Variants in NSD1 observed in about 807,000 individuals in gnomAD.
The protein encoded by NSD1 is nuclear receptor binding SET domain protein 1, also known as histone-lysine N-methyltransferase, H3 lysine-36 specific.
NSD1 carries 26 observed loss-of-function variants against 242.7 expected under a neutral mutation model. The observed-to-expected ratio is 0.11, with a 90% CI of 0.08 to 0.15. The LOEUF (loss-of-function observed/expected upper bound fraction) is 0.15. Among genes scored for constraint, NSD1 ranks in the 10% least tolerant of loss-of-function variants. The pLI, the probability that NSD1 is intolerant of heterozygous loss-of-function variation, is 1.00. For missense variants in NSD1, 2,495 were observed against 3,272.8 expected, an observed-to-expected ratio of 0.76 and a Z score of 5.80; for synonymous variants, 1,106 against 1,178.1, an observed-to-expected ratio of 0.94 and a Z score of 1.25.
At chr5:177,245,039 C>A (rs574554045) in intron 9 of NSD1, among the ~76,000 whole-genome samples, 1 of 152,198 alleles carries the variant, frequency 6.6e-6, no homozygotes, top group Admixed American at 6.5e-5. Context: ...CTTAGTGAGA[C>A]CCTGTCTCTA....
At chr5:177,190,357 G>A (rs1761564920) in intron 2 of NSD1, among the ~76,000 whole-genome samples, 1 of 152,156 alleles carries the variant, frequency 6.6e-6, no homozygotes, top group South Asian at 2.1e-4. Context: ...TTGGCTCACT[G>A]CAACCTCTGC....
intron 3 of NSD1, among the ~76,000 whole-genome samples, chr5:177,198,503 A>G (rs1473478200): frequency 6.6e-6 from 1 of 152,186 alleles, no homozygotes; most frequent in African/African-American, 2.4e-5. Context: ...TAGTTGCATC[A>G]TGAGGTCACC....
At chr5:177,158,273 CTTTCTTTCTTTCTTTCTTTCTTTCTTTCT>C (rs1562130259) in intron 2 of NSD1, among the ~76,000 whole-genome samples, 7 of 103,558 alleles carry the variant, frequency 6.8e-5, no homozygotes, top group Admixed American at 1.0e-4. Flanking sequence ...TTCTTTCTTT[CTTTCTTTCTTTCTTTCTTTCTTTCTTTCT>C]TTTCTTTCTT....
intron 20 of NSD1, among the ~76,000 whole-genome samples, chr5:177,285,277 T>C (rs1759213579): frequency 6.6e-6 from 1 of 152,094 alleles, no homozygotes; most frequent in African/African-American, 2.4e-5. Flanking sequence ...AGTATTAAAA[T>C]TTGTGGCTGG....
chr5:177,265,058 T>C, intron 14 of NSD1: 1 of 758,304 alleles, frequency 1.3e-6, no homozygotes, highest in East Asian at 2.4e-5. Context: ...TAAGCACTCC[T>C]AAGAGCCAAG....
At chr5:177,149,492 T>G (rs1396403637) in intron 2 of NSD1, among the ~76,000 whole-genome samples, 2 of 152,124 alleles carry the variant, frequency 1.3e-5, no homozygotes, top group African/African-American at 4.8e-5. Flanking sequence ...AGTGCTGGGA[T>G]TACAGTTTTG....
At chr5:177,212,318 A>G in intron 5 of NSD1, 123 bp downstream of exon 5, 1 of 923,856 alleles carries the variant, frequency 1.1e-6, no homozygotes. Flanking sequence ...AAGAATCATC[A>G]CTTCAATGAA....
Position 177,294,795 on chromosome 5 carries a change from C to T in NSD1, c.7427C>T (p.Thr2476Ile), listed in dbSNP as rs2127282885. 1 of 1,613,360 alleles carries T rather than the reference C, an allele frequency of 6.2e-7. No homozygotes were observed. The highest frequency in any genetic ancestry group is 8.5e-7 in the Non-Finnish European group (1 of 1,180,042). ...KERAASPHQVTPQADEKMPVL... is the reference protein window; with the variant it reads ...KERAASPHQVIPQADEKMPVL... Reference sequence around the variant, plus strand: ...CGGGCAGCTTCACCTCATCAGGTCACACCACAGGCTGATGAGAAGATGCCA... The same window carrying T: ...CGGGCAGCTTCACCTCATCAGGTCATACCACAGGCTGATGAGAAGATGCCA... The change falls in exon 23 of 23, where the codon ACA becomes ATA. Residue 2476 changes from threonine to isoleucine, a missense_variant. Physicochemically the swap from Thr to Ile is moderately conservative, Grantham distance 89. Around this residue, in one of 19 missense-constraint regions of NSD1, gnomAD observed 475 missense variants for 563.7 expected, o/e 0.84. Transcript: ENST00000439151.
At chr5:177,293,614 T>C (rs562667191) in intron 22 of NSD1, among the ~76,000 whole-genome samples, 85 of 147,558 alleles carry the variant, frequency 5.8e-4, no homozygotes, top group South Asian at 1.3e-3. Flanking sequence ...TTGATAGTAG[T>C]TGCTATTTGA....
At chr5:177,228,508 G>A (rs1195666616) in intron 5 of NSD1, among the ~76,000 whole-genome samples, 1 of 151,762 alleles carries the variant, frequency 6.6e-6, no homozygotes, top group African/African-American at 2.4e-5. Flanking sequence ...CGAGTCACCA[G>A]CCCCGGCCTA....
At chr5:177,179,047 A>T (rs1263366239) in intron 2 of NSD1, among the ~76,000 whole-genome samples, 1 of 152,154 alleles carries the variant, frequency 6.6e-6, no homozygotes, top group Non-Finnish European at 1.5e-5. Context: ...CGTGCCTTAG[A>T]TTGTAAAGTA....
At chr5:177,200,792 C>A (rs1030652445) in intron 3 of NSD1, among the ~76,000 whole-genome samples, 1 of 151,988 alleles carries the variant, frequency 6.6e-6, no homozygotes, top group South Asian at 2.1e-4. Flanking sequence ...TTGTAAGTAC[C>A]ACATTTTGTT....
At chr5:177,147,186 C>A (rs78925330) in intron 2 of NSD1, among the ~76,000 whole-genome samples, 3,868 of 152,034 alleles carry the variant, frequency 0.025, 50 homozygotes, top group African/African-American at 0.029. Context: ...GCTCACTGCA[C>A]CCTCTGTGTC....
In NSD1 at chr5:177,284,072, C is replaced by T. The variant is rs1199194098; in HGVS notation, c.6151+144C>T. 8 of 995,978 alleles carry T rather than the reference C, an allele frequency of 8.0e-6. No individual in the cohort carries two copies. The Admixed American group carries it at 1.5e-4, about 18-fold the overall frequency. 61.7% of individuals were successfully genotyped at this position (995,978 alleles called of 1,614,324 possible). On this transcript the variant is annotated intron_variant, in intron 20 of 22. Transcript: ENST00000439151. The stretch of plus-strand genomic sequence containing the variant: ...AAGTTCATTTACATTTTTGTGCAAC[C>T]ATCACCACCATCCGTCTCCAGAACT...
intron 2 of NSD1, among the ~76,000 whole-genome samples, chr5:177,181,427 G>GGT (rs370160097): frequency 8.5e-6 from 1 of 117,332 alleles, no homozygotes; most frequent in Non-Finnish European, 1.7e-5. Flanking sequence ...TTTTTTTTTG[G>GGT]TTTTTTTTTT....
intron 4 of NSD1, among the ~76,000 whole-genome samples, chr5:177,207,263 T>C (rs1762950917): frequency 1.3e-5 from 2 of 151,486 alleles, no homozygotes; most frequent in Non-Finnish European, 2.9e-5. Context: ...ACCGTAATTA[T>C]TTATTTTTTA....
intron 4 of NSD1, among the ~76,000 whole-genome samples, chr5:177,207,982 T>C (rs551894482): frequency 6.6e-6 from 1 of 151,974 alleles, no homozygotes; most frequent in East Asian, 1.9e-4. Context: ...CAGGTTGGTC[T>C]TGAACTCCAG....
intron 17 of NSD1, among the ~76,000 whole-genome samples, chr5:177,276,018 C>T (rs1169630410): frequency 2.6e-5 from 4 of 151,768 alleles, no homozygotes; most frequent in Non-Finnish European, 5.9e-5. Context: ...GCTTCGTGGG[C>T]GCAAGTGATT....
Position 177,294,189 on chromosome 5 carries a change from A to G in NSD1, c.6821A>G (p.Gln2274Arg), listed in dbSNP as rs1760084719. The G allele has an allele frequency of 6.2e-7, 1 of 1,613,484 alleles. No homozygotes were observed. Among genetic ancestry groups the G allele is most frequent in the African/African-American group, 1.3e-5 (1 of 75,046 alleles). ...LSKKALAGTC[Q>R]RPLLPERPLE... ...AAAAAAGCTCTGGCAGGGACTTGTCAGAGGCCATTGCTACCTGAAAGACCT... is the reference window on the plus strand; with the variant it reads ...AAAAAAGCTCTGGCAGGGACTTGTCGGAGGCCATTGCTACCTGAAAGACCT... The change falls in exon 23 of 23, where the codon CAG (glutamine) becomes CGG (arginine). Residue 2274 changes from glutamine to arginine, a missense_variant. This residue lies in a region of NSD1 where 475 missense variants were observed against 563.7 expected (regional missense o/e 0.84). Coordinates refer to ENST00000439151, the MANE Select transcript of NSD1 (RefSeq NM_022455.5).
Sources: allele counts gnomAD v4.1 joint callset (sites outside exome capture counted in the v4.1 genomes callset), GRCh38; gene constraint gnomAD v4.1.1; regional missense constraint gnomAD v4.1.1; transcripts MANE v1.5; gene names NCBI Gene and HGNC (gene_info 2026-07-23, HGNC 2026-07-21).